RAB31: variants seen among roughly 807,000 people sequenced by gnomAD.
RAB31 encodes the protein ras-related protein Rab-31.
RAB31 carries 21 observed loss-of-function variants against 25.6 expected under a neutral mutation model. The observed-to-expected ratio is 0.82, with a 90% CI of 0.58 to 1.18. The LOEUF is 1.18. Ranked by LOEUF, RAB31 falls within the 50% of genes most tolerant of loss-of-function variation. The pLI, the probability that RAB31 is intolerant of heterozygous loss-of-function variation, is 0.00. For synonymous variants in RAB31, 87 were observed against 84.0 expected, an observed-to-expected ratio of 1.04 and a Z score of -0.20; for missense variants, 196 against 250.1, an observed-to-expected ratio of 0.78 and a Z score of 1.46.
intron 6 of RAB31, among the ~76,000 whole-genome samples, chr18:9,853,200 G>A (rs890926804): frequency 4.6e-5 from 7 of 152,024 alleles, no homozygotes; most frequent in African/African-American, 1.7e-4. Flanking sequence ...TGACAGTGTT[G>A]TTTGGAGAAA....
Position 9,731,596 on chromosome 18 carries a change from C to CTTTTTTT in RAB31, c.39+23165_39+23171dup, listed in dbSNP as rs10685568. 7.6e-4 allele frequency among the ~76,000 whole-genome samples: 82 copies of CTTTTTTT among 107,596 alleles called. 6 individuals carry two copies. Among genetic ancestry groups the CTTTTTTT allele is most frequent in the African/African-American group, 1.7e-3 (44 of 26,632 alleles). The allele number at this position is 107,596 out of a possible 152,430, so 70.6% of individuals were successfully genotyped here. ...AGATGAGAACCTTTCTGGGAATTTG[C>CTTTTTTT]TTTTTTTTTTTTTTTTTTTGAGGCA... On this transcript the variant is annotated intron_variant, in intron 1 of 6. Coordinates refer to ENST00000578921, the MANE Select transcript of RAB31 (RefSeq NM_006868.4).
At chr18:9,833,692 C>T (rs772009534) in intron 5 of RAB31, among the ~76,000 whole-genome samples, 1 of 152,164 alleles carries the variant, frequency 6.6e-6, no homozygotes, top group Non-Finnish European at 1.5e-5. Flanking sequence ...ATAAGTATTT[C>T]ATTTTCGTTT....
At chr18:9,724,284 AAAAC>A (rs1174995227) in intron 1 of RAB31, among the ~76,000 whole-genome samples, 30 of 120,694 alleles carry the variant, frequency 2.5e-4, no homozygotes, top group African/African-American at 6.7e-4. Context: ...AAAAAAAAAA[AAAAC>A]AAAAAAAAAA....
chr18:9,828,029 C>T (rs62081241), intron 5 of RAB31, among the ~76,000 whole-genome samples: 44,572 of 151,924 alleles, frequency 0.29, 6,897 homozygotes, highest in East Asian at 0.36. Context: ...GGACGACATG[C>T]GTCCCAGGTG....
chr18:9,737,546 G>C (rs2145469648), intron 1 of RAB31, among the ~76,000 whole-genome samples: 1 of 152,292 alleles, frequency 6.6e-6, no homozygotes, highest in South Asian at 2.1e-4. Context: ...AAATAATGCA[G>C]TTACTTATCT....
chr18:9,724,055 AG>A, intron 1 of RAB31, among the ~76,000 whole-genome samples: 1 of 152,092 alleles, frequency 6.6e-6, no homozygotes, highest in African/African-American at 2.4e-5. Context: ...GCAGATCACA[AG>A]GTCAGGAGAT....
At chr18:9,800,869 G>T (rs1398250788) in intron 3 of RAB31, among the ~76,000 whole-genome samples, 1 of 151,962 alleles carries the variant, frequency 6.6e-6, no homozygotes, top group Non-Finnish European at 1.5e-5. Flanking sequence ...CACCTTGGTG[G>T]GTTCTGATGT....
At chr18:9,747,646 G>A (rs2068212437) in intron 1 of RAB31, among the ~76,000 whole-genome samples, 2 of 152,216 alleles carry the variant, frequency 1.3e-5, no homozygotes, top group Admixed American at 1.3e-4. Flanking sequence ...CATAGGGCTT[G>A]TGCAGAGTAA....
chr18:9,726,667 T>C (rs940403483), intron 1 of RAB31, among the ~76,000 whole-genome samples: 1 of 152,166 alleles, frequency 6.6e-6, no homozygotes, highest in African/African-American at 2.4e-5. Flanking sequence ...GTCTGGCAAG[T>C]AAAAGGTGCT....
intron 1 of RAB31, among the ~76,000 whole-genome samples, chr18:9,718,640 T>C (rs1439076269): frequency 6.6e-6 from 1 of 152,208 alleles, no homozygotes; most frequent in Admixed American, 6.5e-5. Flanking sequence ...TGGGCTGTTA[T>C]AGTAAAGCAC....
At chr18:9,758,170 A>C (rs2145482002) in intron 1 of RAB31, 1 of 152,268 alleles carries the variant, frequency 6.6e-6, no homozygotes, top group African/African-American at 2.4e-5. Flanking sequence ...TTGCTCTCTG[A>C]GAAACTGGAT....
intron 3 of RAB31, among the ~76,000 whole-genome samples, chr18:9,805,790 C>T (rs8088815): frequency 0.048 from 7,231 of 152,220 alleles, 565 homozygotes; most frequent in African/African-American, 0.17. Context: ...TCAACTGAAG[C>T]AACGTTTCAT....
chr18:9,753,877 AAGAT>A (rs1435907549), intron 1 of RAB31, among the ~76,000 whole-genome samples: 2 of 152,186 alleles, frequency 1.3e-5, no homozygotes, highest in African/African-American at 2.4e-5. Flanking sequence ...TAATTCCTAA[AAGAT>A]AGGTAGGTTA....
intron 1 of RAB31, among the ~76,000 whole-genome samples, chr18:9,763,544 G>A (rs549634018): frequency 6.7e-5 from 10 of 148,828 alleles, no homozygotes; most frequent in African/African-American, 2.5e-4. Flanking sequence ...AGAAAGAACT[G>A]GAAGAAAATC....
At chr18:9,843,298 A>G (rs2068743373) in intron 5 of RAB31, among the ~76,000 whole-genome samples, 1 of 152,130 alleles carries the variant, frequency 6.6e-6, no homozygotes, top group African/African-American at 2.4e-5. Context: ...TAATCCCAGC[A>G]CTTTGGGAGG....
intron 1 of RAB31, among the ~76,000 whole-genome samples, chr18:9,757,684 A>ATGCATG (rs778854559): frequency 5.6e-4 from 85 of 152,284 alleles, no homozygotes; most frequent in Non-Finnish European, 9.7e-4. Context: ...GTGCACATGT[A>ATGCATG]TGCATGTGCA....
intron 3 of RAB31, 68 bp downstream of exon 3, chr18:9,792,303 T>C (rs1445709584): frequency 7.1e-6 from 11 of 1,541,594 alleles, no homozygotes; most frequent in Non-Finnish European, 9.7e-6. Flanking sequence ...TGAAGGTTTG[T>C]TTGCATTAGA....
At chr18:9,857,686 TGATAGATAGATAGATA>T (rs3039678) in intron 6 of RAB31, among the ~76,000 whole-genome samples, 60 of 114,176 alleles carry the variant, frequency 5.3e-4, no homozygotes, top group African/African-American at 1.9e-3. Context: ...GATAGATAGA[TGATAGATAGATAGATA>T]GATAGATAGA....
At chr18:9,801,430 T>C (rs2068513378) in intron 3 of RAB31, among the ~76,000 whole-genome samples, 2 of 152,036 alleles carry the variant, frequency 1.3e-5, no homozygotes, top group Admixed American at 1.3e-4. Context: ...TACAGCCAGC[T>C]GCCACCATGC....
Sources: allele counts gnomAD v4.1 joint callset (sites outside exome capture counted in the v4.1 genomes callset), GRCh38; gene constraint gnomAD v4.1.1; transcripts MANE v1.5; gene names NCBI Gene and HGNC (gene_info 2026-07-23, HGNC 2026-07-21).